PUM1: variants seen among roughly 807,000 people sequenced by gnomAD.
PUM1 encodes the protein pumilio homolog 1.
A neutral mutation model predicts 131.8 loss-of-function variants in PUM1; 13 were observed. The ratio of observed to expected loss-of-function variants is 0.10; its 90% confidence interval spans 0.06 to 0.16. The LOEUF is 0.16. Ranked by LOEUF, PUM1 falls within the 10% of genes least tolerant of loss-of-function variation. The pLI is 1.00. For missense variants in PUM1, 961 were observed against 1,512.4 expected (o/e 0.64, Z 6.05); for synonymous variants, 509 against 556.5 (o/e 0.91, Z 1.20).
chr1:30,987,844 C>T (rs1205904388), intron 7 of PUM1, among the ~76,000 whole-genome samples: 1 of 152,160 alleles, frequency 6.6e-6, no homozygotes, highest in Non-Finnish European at 1.5e-5. Context: ...CAACAAACTA[C>T]ATTAACTTTA....
intron 2 of PUM1, among the ~76,000 whole-genome samples, chr1:31,055,855 C>G (rs1025720898): frequency 6.6e-6 from 1 of 152,154 alleles, no homozygotes; most frequent in South Asian, 2.1e-4. Flanking sequence ...TAGCAAAGAA[C>G]CTGCCAGGCA....
Position 31,059,190 on chromosome 1 carries a change from G to C in PUM1, c.363+14C>G, listed in dbSNP as rs150197835. 6.5e-6 allele frequency: 10 copies of C among 1,543,184 alleles called. No individual in the cohort carries two copies. The East Asian group carries it at 2.0e-4, about 31-fold the overall frequency. ...AAAGGAATGTCAAAGCTAAAATAGTGAACTTTTTTTTACCTGATGTTCTGC... is the reference window on the plus strand; with the variant it reads ...AAAGGAATGTCAAAGCTAAAATAGTCAACTTTTTTTTACCTGATGTTCTGC... On this transcript the variant is annotated intron_variant, in intron 2 of 21. Coordinates refer to ENST00000426105, the MANE Select transcript of PUM1 (RefSeq NM_001020658.2).
rs201287348 is a variant in PUM1 at position 30,937,594 on chromosome 1, A to ATT, written c.3243-761_3243-760dup. On this transcript the variant is annotated intron_variant, in intron 20 of 21. Transcript: ENST00000426105. ...CACCATGCCTGGCCTCAAATAAGTA[A>ATT]TTTTTTTTTAAGTAAAAATAGAAAT... 2.0e-5 allele frequency among the ~76,000 whole-genome samples: 3 copies of ATT among 151,114 alleles called. No homozygotes were observed. In the East Asian group the frequency reaches 6.0e-4, roughly 30 times the overall value.
intron 5 of PUM1, among the ~76,000 whole-genome samples, chr1:30,995,974 T>C (rs1278571412): frequency 6.6e-6 from 1 of 152,104 alleles, no homozygotes; most frequent in Non-Finnish European, 1.5e-5. Flanking sequence ...TAAGTGGGAG[T>C]ATGTTAAATT....
intron 5 of PUM1, among the ~76,000 whole-genome samples, chr1:30,997,851 T>A (rs1214295862): frequency 6.6e-6 from 1 of 152,050 alleles, no homozygotes; most frequent in Non-Finnish European, 1.5e-5. Flanking sequence ...ATTACCGGCA[T>A]GCACCACCAC....
At chr1:31,058,923 T>C (rs1490582660) in intron 2 of PUM1, among the ~76,000 whole-genome samples, 1 of 151,564 alleles carries the variant, frequency 6.6e-6, no homozygotes, top group Non-Finnish European at 1.5e-5. Context: ...TGAGCCGAGA[T>C]CAAGCCGAGA....
intron 2 of PUM1, among the ~76,000 whole-genome samples, chr1:31,047,361 A>C (rs1404317576): frequency 6.6e-6 from 1 of 152,168 alleles, no homozygotes; most frequent in South Asian, 2.1e-4. Flanking sequence ...AGAAAAAAAA[A>C]AGATGATTTA....
chr1:31,012,469 A>C (rs1642654609), intron 3 of PUM1, among the ~76,000 whole-genome samples: 1 of 151,762 alleles, frequency 6.6e-6, no homozygotes, highest in Non-Finnish European at 1.5e-5. Context: ...TGTGCTCTCA[A>C]ATCTCTGGGA....
At chr1:30,968,587 G>A (rs778968023) in intron 10 of PUM1, 95 bp from the exon 11 acceptor site, 2 of 1,318,356 alleles carry the variant, frequency 1.5e-6, no homozygotes, top group African/African-American at 1.5e-5. Flanking sequence ...AAACTTAATT[G>A]TAAATTGTTT....
chr1:31,059,438 C>A lies in PUM1; in HGVS notation c.129G>T (p.Gly43=), dbSNP rs1300792478. Residue 43 remains glycine, a synonymous_variant, in exon 2 of 22, where the codon GGG becomes GGT. Coordinates refer to ENST00000426105, the MANE Select transcript of PUM1 (RefSeq NM_001020658.2). ...CAGCTGGTTGTGGCTGCGCTTGCGA[C>A]CCTGTTCCAGATGTCAAAACAACAG... ...NMPVVLTSGT[G]SQAQPQPAAN... 1.2e-6 allele frequency: 2 copies of A among 1,614,186 alleles called. No individual in the cohort carries two copies. The highest frequency in any genetic ancestry group is 2.2e-5 in the South Asian group (2 of 91,088).
Position 31,031,011 on chromosome 1 carries a change from A to C in PUM1, c.364-2147T>G, listed in dbSNP as rs116987174. On this transcript the variant is annotated intron_variant, in intron 2 of 21. Coordinates refer to ENST00000426105, the MANE Select transcript of PUM1 (RefSeq NM_001020658.2). ...AAGGCTTATAATACTGTGGTGTTTT[A>C]AAAAGGCCCTGAAATAGGAGCTATG... Among the ~76,000 whole-genome samples, 202 of 152,328 alleles carry C rather than the reference A, an allele frequency of 1.3e-3. 5 individuals are homozygous for C. The East Asian group carries it at 0.033, about 25-fold the overall frequency.
chr1:30,941,075 A>G, intron 20 of PUM1, 76 bp downstream of exon 20: 1 of 1,431,358 alleles, frequency 7.0e-7, no homozygotes, highest in South Asian at 1.4e-5. Context: ...AACAACATTA[A>G]AAAATAAGAT....
At position 30,945,622 on chromosome 1, in the gene PUM1, T is replaced by C. The variant is rs561041309; in HGVS notation, c.2857-139A>G. ...AAGTGGAATAGCAGCTGTGGAACAATGACAACAGGGAAACAAATGAGGACC... is the reference window on the plus strand; with the variant it reads ...AAGTGGAATAGCAGCTGTGGAACAACGACAACAGGGAAACAAATGAGGACC... On this transcript the variant is annotated intron_variant, in intron 17 of 21. Transcript: ENST00000426105. 16 of 879,062 alleles carry C rather than the reference T, an allele frequency of 1.8e-5. No homozygotes were observed. The Admixed American group carries it at 1.9e-4, about 10-fold the overall frequency. 54.5% of individuals were successfully genotyped at this position (879,062 alleles called of 1,614,324 possible). A position where few individuals can be genotyped will look rare whatever the true frequency, so the allele number is the denominator to read the frequency against.
intron 1 of PUM1, among the ~76,000 whole-genome samples, chr1:31,062,744 C>G (rs1346246040): frequency 6.6e-6 from 1 of 152,120 alleles, no homozygotes; most frequent in African/African-American, 2.4e-5. Flanking sequence ...TGCTTTATCT[C>G]TTCTCCCAAC....
Position 31,051,539 on chromosome 1 carries a change from G to A in PUM1, c.363+7665C>T, listed in dbSNP as rs184765490. The stretch of plus-strand genomic sequence containing the variant: ...GCTGGTCTCCAACTCCTGACCTCAG[G>A]TGATCCGCCTGCCTTGGCCTCCCAA... On this transcript the variant is annotated intron_variant, in intron 2 of 21. Transcript: ENST00000426105. Among the ~76,000 whole-genome samples the A allele has an allele frequency of 5.0e-3, 757 of 152,200 alleles. 8 individuals carry two copies. Among genetic ancestry groups the A allele is most frequent in the Non-Finnish European group, 8.0e-3 (543 of 68,006 alleles).
Position 30,967,219 on chromosome 1 carries a change from A to C in PUM1, c.1737T>G (p.Val579=). Residue 579 remains valine, a synonymous_variant, in exon 12 of 22, where the codon GTT becomes GTG. Coordinates refer to ENST00000426105, the MANE Select transcript of PUM1 (RefSeq NM_001020658.2). Reference sequence around the variant, plus strand: ...TGACTGGGGCAGGAGCTACAAGTCGAACAGGAGCTCCAAGACCATTTCTCG... The same window carrying C: ...TGACTGGGGCAGGAGCTACAAGTCGCACAGGAGCTCCAAGACCATTTCTCG... ...AGARNGLGAP[V]RLVAPAPVII... The C allele has an allele frequency of 6.2e-7, 1 of 1,614,164 alleles. No homozygotes were observed. The highest frequency in any genetic ancestry group is 8.5e-7 in the Non-Finnish European group (1 of 1,180,016).
intron 9 of PUM1, among the ~76,000 whole-genome samples, chr1:30,979,080 G>A (rs1380703933): frequency 2.0e-5 from 3 of 149,596 alleles, no homozygotes; most frequent in Admixed American, 6.7e-5. Context: ...TCCCATCCTC[G>A]GCAACAGAGT....
At chr1:30,980,360 T>C (rs1267865761) in intron 8 of PUM1, among the ~76,000 whole-genome samples, 197 bp from the exon 9 acceptor site, 1 of 152,232 alleles carries the variant, frequency 6.6e-6, no homozygotes, top group Admixed American at 6.5e-5. Context: ...AATGTTTATA[T>C]AGTCAAATTT....
At chr1:31,058,194 A>T (rs538933746) in intron 2 of PUM1, among the ~76,000 whole-genome samples, 1 of 152,330 alleles carries the variant, frequency 6.6e-6, no homozygotes, top group Non-Finnish European at 1.5e-5. Context: ...ATTTCACTTG[A>T]GCAGCTGATG....
Sources: gnomAD v4.1 joint callset for allele counts (sites outside exome capture counted in the v4.1 genomes callset) on GRCh38, gnomAD v4.1.1 for gene constraint, MANE v1.5 for transcripts, NCBI Gene and HGNC (gene_info 2026-07-23, HGNC 2026-07-21) for gene names.